Variants in SPHKAP observed in about 807,000 individuals in gnomAD.
SPHKAP encodes A-kinase anchor protein SPHKAP.
Under a neutral mutation model 137.5 loss-of-function variants are expected in SPHKAP, and 67 were observed. That is an observed-to-expected ratio of 0.49 (90% confidence interval 0.40 to 0.60). SPHKAP has a LOEUF of 0.60. Ranked by LOEUF, SPHKAP falls within the 20% of genes least tolerant of loss-of-function variation. The pLI, the probability that SPHKAP is intolerant of heterozygous loss-of-function variation, is 0.00. For missense variants in SPHKAP, 2,097 were observed against 2,069.3 expected, an observed-to-expected ratio of 1.01 and a Z score of -0.26; for synonymous variants, 813 against 785.3, an observed-to-expected ratio of 1.04 and a Z score of -0.59.
rs549841876 is a variant in SPHKAP at position 228,100,599 on chromosome 2, A to G, written c.246+8233T>C. 7.5e-5 allele frequency among the ~76,000 whole-genome samples: 11 copies of G among 147,126 alleles called. No individual in the cohort carries two copies. In the East Asian group the frequency reaches 2.2e-3, roughly 30 times the overall value. On this transcript the variant is annotated intron_variant, in intron 3 of 11. Coordinates refer to ENST00000392056, the MANE Select transcript of SPHKAP (RefSeq NM_001142644.2). Reference sequence around the variant, plus strand: ...AGCTTTTTCTGCATCTATTGAGATGATAGTATGGTTTTCTTTTTAATTCTG... The same window carrying G: ...AGCTTTTTCTGCATCTATTGAGATGGTAGTATGGTTTTCTTTTTAATTCTG...
chr2:228,009,247 C>T (rs1694267487), intron 7 of SPHKAP, among the ~76,000 whole-genome samples: 1 of 151,938 alleles, frequency 6.6e-6, no homozygotes, highest in South Asian at 2.1e-4. Flanking sequence ...TTTATTTGTG[C>T]TTCTTAGTAT....
In SPHKAP at chr2:228,018,101, G is replaced by A. The variant is rs1247777218; in HGVS notation, c.2753C>T (p.Thr918Ile). 2 of 1,614,058 alleles carry A rather than the reference G, an allele frequency of 1.2e-6. No individual in the cohort carries two copies. Among genetic ancestry groups the A allele is most frequent in the African/African-American group, 1.3e-5 (1 of 74,930 alleles). ...LLLPAQSTLQ[T>I]KHPDIYCITD... ...AATGCAGTAGATGTCTGGATGCTTT[G>A]TTTGAAGCGTGGATTGAGCAGGAAG... Residue 918 changes from threonine to isoleucine, a missense_variant, in exon 7 of 12, where the codon ACA becomes ATA. Transcript: ENST00000392056.
chr2:228,155,687 CA>C (rs1388024550), intron 1 of SPHKAP, among the ~76,000 whole-genome samples: 2 of 152,078 alleles, frequency 1.3e-5, no homozygotes, highest in African/African-American at 4.8e-5. Context: ...GAATTAAGAG[CA>C]AAAAGTGAGC....
chr2:228,009,060 G>C (rs1694257280), intron 7 of SPHKAP, among the ~76,000 whole-genome samples: 1 of 152,132 alleles, frequency 6.6e-6, no homozygotes, highest in African/African-American at 2.4e-5. Flanking sequence ...AGATTCAACT[G>C]GGAAGAACTG....
chr2:228,024,361 T>TTTA (rs1553614222), intron 5 of SPHKAP, among the ~76,000 whole-genome samples: 9 of 145,118 alleles, frequency 6.2e-5, no homozygotes, highest in East Asian at 2.0e-4. Context: ...TTTTTTTTTT[T>TTTA]AAATCTGTGA....
At chr2:228,175,524 CA>C (rs1700714174) in intron 1 of SPHKAP, among the ~76,000 whole-genome samples, 1 of 151,944 alleles carries the variant, frequency 6.6e-6, no homozygotes, top group Non-Finnish European at 1.5e-5. Flanking sequence ...CTGGAGCAAC[CA>C]CACACTTTTA....
chr2:228,147,007 G>A (rs1699796454), intron 1 of SPHKAP, among the ~76,000 whole-genome samples: 1 of 152,174 alleles, frequency 6.6e-6, no homozygotes, highest in Admixed American at 6.6e-5. Flanking sequence ...TTAGATTGAA[G>A]GAAGGGGGAT....
In SPHKAP at chr2:227,990,919, G is replaced by A. The variant is rs1332803103; in HGVS notation, c.4959+81C>T. ...AGGATCAAATAATTCAAATGGACAG[G>A]GGTTTACTGAGCATTTACTGAGTTT... On this transcript the variant is annotated intron_variant, in intron 11 of 11. Transcript: ENST00000392056. 4 of 1,374,064 alleles carry A rather than the reference G, an allele frequency of 2.9e-6. No homozygotes were observed. In the African/African-American group the frequency reaches 5.7e-5, roughly 20 times the overall value. The allele number at this position is 1,374,064 out of a possible 1,614,324, so 85.1% of individuals were successfully genotyped here. A position where few individuals can be genotyped will look rare whatever the true frequency, so the allele number is the denominator to read the frequency against.
At chr2:227,986,461 G>C (rs1247972676) in intron 11 of SPHKAP, among the ~76,000 whole-genome samples, 1 of 152,008 alleles carries the variant, frequency 6.6e-6, no homozygotes, top group Non-Finnish European at 1.5e-5. Context: ...CTACAAATTG[G>C]GTTCAATGTA....
chr2:228,049,366 A>C (rs1368702428), intron 3 of SPHKAP, among the ~76,000 whole-genome samples: 2 of 152,086 alleles, frequency 1.3e-5, no homozygotes, highest in East Asian at 3.9e-4. Context: ...TCTGCCCCAC[A>C]TTTTCTAAAG....
At chr2:228,002,966 T>G (rs923605899) in intron 7 of SPHKAP, among the ~76,000 whole-genome samples, 16 of 150,382 alleles carry the variant, frequency 1.1e-4, no homozygotes, top group Non-Finnish European at 1.9e-4. Context: ...TTTTGGTTAC[T>G]GTAGCCTTGT....
chr2:228,028,449 A>G (rs1574769631), intron 3 of SPHKAP, among the ~76,000 whole-genome samples: 2 of 152,258 alleles, frequency 1.3e-5, no homozygotes, highest in Non-Finnish European at 2.9e-5. Context: ...ATTAAACAAT[A>G]AATCTGAACA....
Position 228,021,845 on chromosome 2 carries a change from C to A in SPHKAP, c.563G>T (p.Arg188Leu), listed in dbSNP as rs368172422. 8.1e-6 allele frequency: 13 copies of A among 1,613,994 alleles called. No individual in the cohort carries two copies. The Admixed American group carries it at 1.0e-4, about 12-fold the overall frequency. ...FLIGLELVQE[R>L]QLHLETNILK... ...GATGTTTGTTTCCAGGTGGAGCTGT[C>A]GCTCCTGCACCAGTTCCAGACCAAT... The change falls in exon 6 of 12, where the codon CGA (arginine) becomes CTA (leucine). Residue 188 changes from arginine (R) to leucine (L), a missense_variant. Physicochemically the swap from Arg to Leu is moderately radical, Grantham distance 102 (BLOSUM62 -2). Transcript: ENST00000392056.
intron 1 of SPHKAP, among the ~76,000 whole-genome samples, chr2:228,180,197 G>A (rs576798619): frequency 6.6e-6 from 1 of 152,260 alleles, no homozygotes; most frequent in East Asian, 1.9e-4. Flanking sequence ...GCTTCAAGGA[G>A]TGCACAGAAA....
Position 228,018,190 on chromosome 2 carries a change from G to A in SPHKAP, c.2664C>T (p.Asn888=). The A allele has an allele frequency of 6.2e-7, 1 of 1,614,206 alleles. No homozygotes were observed. The highest frequency in any genetic ancestry group is 8.5e-7 in the Non-Finnish European group (1 of 1,180,036). ...CTTCGTTGATGCGAGATGTGGCACA[G>A]TTGTACTTTTCTTGGGTGTTTGGGT... ...SIHPNTQEKY[N]CATSRINEVQ... The change falls in exon 7 of 12, where the codon AAC becomes AAT. Residue 888 remains asparagine, a synonymous_variant. Coordinates refer to ENST00000392056, the MANE Select transcript of SPHKAP (RefSeq NM_001142644.2).
At chr2:228,116,475 C>T (rs186408563) in intron 2 of SPHKAP, among the ~76,000 whole-genome samples, 13 of 152,248 alleles carry the variant, frequency 8.5e-5, no homozygotes, top group African/African-American at 2.6e-4. Context: ...AATGAATGCA[C>T]ATAGTATCTG....
At chr2:228,164,776 C>G (rs981388569) in intron 1 of SPHKAP, among the ~76,000 whole-genome samples, 1 of 152,190 alleles carries the variant, frequency 6.6e-6, no homozygotes, top group African/African-American at 2.4e-5. Flanking sequence ...TCTCCTGCCT[C>G]TGGACTCTTT....
chr2:228,148,763 G>A (rs2106396183), intron 1 of SPHKAP, among the ~76,000 whole-genome samples: 1 of 152,216 alleles, frequency 6.6e-6, no homozygotes, highest in South Asian at 2.1e-4. Context: ...CACAATAAGG[G>A]AGTTACAAAC....
chr2:228,074,166 G>A (rs973050289), intron 3 of SPHKAP, among the ~76,000 whole-genome samples: 1 of 152,198 alleles, frequency 6.6e-6, no homozygotes, highest in African/African-American at 2.4e-5. Flanking sequence ...TTAAAAAGAA[G>A]TGTTTGCAAT....
Sources: gnomAD v4.1 joint callset for allele counts (sites outside exome capture counted in the v4.1 genomes callset) on GRCh38, gnomAD v4.1.1 for gene constraint, MANE v1.5 for transcripts, NCBI Gene and HGNC (gene_info 2026-07-23, HGNC 2026-07-21) for gene names.